The following TAF8 variants were observed in gnomAD, a reference collection of about 807,000 sequenced individuals.
The protein encoded by TAF8 is TATA-box binding protein associated factor 8, also known as transcription initiation factor TFIID subunit 8.
TAF8 carries 47 observed loss-of-function variants against 36.5 expected under a neutral mutation model. The observed-to-expected ratio is 1.29, with a 90% CI of 1.02 to 1.64. The LOEUF is 1.64. Ranked by LOEUF, TAF8 falls within the 40% of genes most tolerant of loss-of-function variation. The pLI is 0.00. For missense variants in TAF8, 420 were observed against 407.6 expected (o/e 1.03, Z -0.26); for synonymous variants, 175 against 159.5 (o/e 1.10, Z -0.73).
At chr6:42,084,089 G>A (rs1765990975), downstream of TAF8, among the ~76,000 whole-genome samples, 1 of 150,610 alleles carries the variant, frequency 6.6e-6, no homozygotes. Flanking sequence ...GCTGAGGCAG[G>A]AGAATGGCCT....
chr6:42,075,977 A>G (rs1765732443), intron 7 of TAF8, among the ~76,000 whole-genome samples: 1 of 152,108 alleles, frequency 6.6e-6, no homozygotes, highest in Admixed American at 6.5e-5. Flanking sequence ...TGGGAAGCCA[A>G]GGCTGGCAGA....
chr6:42,086,709 C>T (rs547881006), downstream of TAF8: 46 of 1,551,188 alleles, frequency 3.0e-5, no homozygotes, highest in South Asian at 1.1e-4. Context: ...TTTCACCCTA[C>T]GTTCCTCAGG....
chr6:42,056,257 G>A (rs1027998389), intron 4 of TAF8: 2 of 393,974 alleles, frequency 5.1e-6, no homozygotes, highest in Non-Finnish European at 9.2e-6. Context: ...AGCCCCAGAA[G>A]GGCAAATGAT....
chr6:42,079,620 T>C lies in TAF8; in HGVS notation c.*2075T>C. On this transcript the variant is annotated 3_prime_UTR_variant, in exon 9 of 9. Transcript: ENST00000372977. ...CTGTGTCGCCCCAGCTGGAGTATAG[T>C]GGCACTACCTCGGCTCACTGCAACC... 1.0e-6 allele frequency: 1 copy of C among 960,122 alleles called. No homozygotes were observed. The highest frequency in any genetic ancestry group is 1.2e-6 in the Non-Finnish European group (1 of 807,172). 59.5% of individuals were successfully genotyped at this position (960,122 alleles called of 1,614,324 possible).
rs1015326019 is a variant in TAF8 at position 42,055,729 on chromosome 6, C to T, written c.301+100C>T. The T allele has an allele frequency of 2.0e-5, 20 of 980,402 alleles. No homozygotes were observed. The African/African-American group carries it at 2.2e-4, about 11-fold the overall frequency. 60.7% of individuals were successfully genotyped at this position (980,402 alleles called of 1,614,324 possible). ...AGTGTTCTTGGTTTCCCTCATGGTT[C>T]TCTTGAATTGCTTTGAGCTTGAGAG... On this transcript the variant is annotated intron_variant, in intron 3 of 8. Coordinates refer to ENST00000372977, the MANE Select transcript of TAF8 (RefSeq NM_138572.3).
chr6:42,084,038 G>A (rs1022463159), downstream of TAF8, among the ~76,000 whole-genome samples: 3 of 152,034 alleles, frequency 2.0e-5, no homozygotes, highest in South Asian at 4.2e-4. Flanking sequence ...AAAATTAGCC[G>A]GGCATGGTGG....
downstream of TAF8, among the ~76,000 whole-genome samples, chr6:42,086,408 T>C (rs61596668): frequency 0.01 from 1,589 of 152,362 alleles, 28 homozygotes; most frequent in African/African-American, 0.036. Flanking sequence ...CATCGGTAAG[T>C]GTGGCTGAGG....
intron 7 of TAF8, 125 bp downstream of exon 7, chr6:42,068,732 C>A: frequency 1.8e-6 from 2 of 1,136,372 alleles, no homozygotes; most frequent in Non-Finnish European, 2.5e-6. Context: ...TAGGGGCCTG[C>A]ATAAGGGCTT....
chr6:42,085,390 G>A (rs1766011981), downstream of TAF8, among the ~76,000 whole-genome samples: 1 of 152,202 alleles, frequency 6.6e-6, no homozygotes, highest in South Asian at 2.1e-4. Context: ...AGAATTCCCA[G>A]CCTGTGTTGG....
chr6:42,067,024 A>G (rs970609359), intron 6 of TAF8, among the ~76,000 whole-genome samples: 2 of 152,142 alleles, frequency 1.3e-5, no homozygotes, highest in African/African-American at 2.4e-5. Context: ...TTTCCCATAC[A>G]TTATCTCATT....
rs1765947818 is a variant in TAF8 at position 42,082,280 on chromosome 6, G to A, written c.*4735G>A. ...CTTCTCTCCTGGCAGCCACTACTCTGTTCTCTATCTCTAATGTTATTGAAA... is the reference window on the plus strand; with the variant it reads ...CTTCTCTCCTGGCAGCCACTACTCTATTCTCTATCTCTAATGTTATTGAAA... On this transcript the variant is annotated 3_prime_UTR_variant, in exon 9 of 9. Coordinates refer to ENST00000372977, the MANE Select transcript of TAF8 (RefSeq NM_138572.3). The A allele has an allele frequency of 6.6e-6, 1 of 152,252 alleles. No homozygotes were observed. The highest frequency in any genetic ancestry group is 6.5e-5 in the Admixed American group (1 of 15,272). The allele number at this position is 152,252 out of a possible 1,614,324, so 9.4% of individuals were successfully genotyped here.
chr6:42,077,879 C>T lies in TAF8; in HGVS notation c.*334C>T. The T allele has an allele frequency of 3.7e-6, 2 of 544,554 alleles. No individual in the cohort carries two copies. The highest frequency in any genetic ancestry group is 6.9e-5 in the South Asian group (2 of 28,838). 33.7% of individuals were successfully genotyped at this position (544,554 alleles called of 1,614,324 possible). On this transcript the variant is annotated 3_prime_UTR_variant, in exon 9 of 9. Coordinates refer to ENST00000372977, the MANE Select transcript of TAF8 (RefSeq NM_138572.3). The stretch of plus-strand genomic sequence containing the variant: ...CCAAGTGATTCTCCTGCCTTGGCCT[C>T]CCGAGTAGCTGGGACTAGAGGCAAG...
Position 42,056,013 on chromosome 6 carries a change from TCGTAA to T in TAF8, c.364_364+4del. ...GGTCTCAGAGGATGGTCATCACTGC[TCGTAA>T]GTGACTTTGAACTGAGGTACTTAGC... On this transcript the variant is annotated splice_donor_variant and splice_donor_region_variant and coding_sequence_variant and intron_variant, in exon 4 of 9. Coordinates refer to ENST00000372977, the MANE Select transcript of TAF8 (RefSeq NM_138572.3). LOFTEE classifies it high-confidence loss of function. The T allele has an allele frequency of 6.2e-7, 1 of 1,605,806 alleles. No individual in the cohort carries two copies. The highest frequency in any genetic ancestry group is 2.2e-5 in the East Asian group (1 of 44,842).
Position 42,076,509 on chromosome 6 carries a change from G to A in TAF8, c.781-591G>A, listed in dbSNP as rs912573160. ...TGCAGATAGGCATTACCAATGATGTGCATGTGCTGGTACCTGCTGGCTCTG... is the reference window on the plus strand; with the variant it reads ...TGCAGATAGGCATTACCAATGATGTACATGTGCTGGTACCTGCTGGCTCTG... On this transcript the variant is annotated intron_variant, in intron 7 of 8. Transcript: ENST00000372977. 3.9e-5 allele frequency among the ~76,000 whole-genome samples: 6 copies of A among 152,200 alleles called. No individual in the cohort carries two copies. In the East Asian group the frequency reaches 7.7e-4, roughly 20 times the overall value.
downstream of TAF8, among the ~76,000 whole-genome samples, chr6:42,085,280 G>A (rs1267762853): frequency 1.1e-4 from 16 of 152,060 alleles, no homozygotes; most frequent in African/African-American, 3.4e-4. Flanking sequence ...ACTTATGACC[G>A]GTTTTCTATT....
At chr6:42,050,662 G>C (rs756510236) in intron 1 of TAF8, 76 bp downstream of exon 1, 2 of 1,458,230 alleles carry the variant, frequency 1.4e-6, no homozygotes, top group Non-Finnish European at 1.8e-6. Flanking sequence ...TGAGCAACAA[G>C]ATAATGCCCA....
downstream of TAF8, among the ~76,000 whole-genome samples, chr6:42,084,560 T>G (rs1765998477): frequency 6.6e-6 from 1 of 152,102 alleles, no homozygotes; most frequent in South Asian, 2.1e-4. Flanking sequence ...CCTCCTGGGT[T>G]CAAGCGATTC....
chr6:42,057,335 C>T, intron 4 of TAF8, 54 bp from the exon 5 acceptor site: 1 of 1,612,340 alleles, frequency 6.2e-7, no homozygotes, highest in Non-Finnish European at 8.5e-7. Context: ...AGACCATAAT[C>T]TGTAGAAATC....
At chr6:42,066,592 C>A in intron 6 of TAF8, 133 bp downstream of exon 6, 1 of 1,034,452 alleles carries the variant, frequency 9.7e-7, no homozygotes, top group Non-Finnish European at 1.4e-6. Context: ...TCTCAGATTT[C>A]TGGCTCCCTT....
Sources: gnomAD v4.1 joint callset for allele counts (sites outside exome capture counted in the v4.1 genomes callset) on GRCh38, gnomAD v4.1.1 for gene constraint, MANE v1.5 for transcripts, NCBI Gene and HGNC (gene_info 2026-07-23, HGNC 2026-07-21) for gene names.